The following CEMIP variants were observed in gnomAD, a reference collection of about 807,000 sequenced individuals.
CEMIP encodes the protein cell migration inducing hyaluronidase 1, also known as cell migration-inducing and hyaluronan-binding protein.
A neutral mutation model predicts 156.9 loss-of-function variants in CEMIP; 105 were observed. The observed-to-expected ratio is 0.67, with a 90% CI of 0.57 to 0.79. The LOEUF is 0.79. Among genes scored for constraint, CEMIP ranks in the 30% least tolerant of loss-of-function variants. The probability of loss-of-function intolerance (pLI) is 0.00; values close to 1 mark genes in which losing one functional copy is unlikely to be tolerated. For missense variants in CEMIP, 1,457 were observed against 1,769.4 expected (o/e 0.82, Z 3.17); for synonymous variants, 676 against 668.4 (o/e 1.01, Z -0.17).
At chr15:80,808,365 C>A (rs1206523283) in intron 1 of CEMIP, among the ~76,000 whole-genome samples, 2 of 152,186 alleles carry the variant, frequency 1.3e-5, no homozygotes, top group African/African-American at 2.4e-5. Context: ...CCCACTGCCC[C>A]CACTTAGGCA....
At chr15:80,785,721 G>T (rs1895918386) in intron 1 of CEMIP, among the ~76,000 whole-genome samples, 1 of 152,120 alleles carries the variant, frequency 6.6e-6, no homozygotes, top group Admixed American at 6.5e-5. Context: ...TTCACTGAGG[G>T]CATATGAGGA....
chr15:80,872,871 G>A (rs959702698), intron 1 of CEMIP, among the ~76,000 whole-genome samples: 1 of 152,062 alleles, frequency 6.6e-6, no homozygotes, highest in Non-Finnish European at 1.5e-5. Context: ...AATAAAATGA[G>A]TCCATCATCT....
At position 80,948,791 on chromosome 15, in the gene CEMIP, T is replaced by C; in HGVS notation, c.3959-6T>C. The C allele has an allele frequency of 1.9e-6, 3 of 1,614,104 alleles. No individual in the cohort carries two copies. The highest frequency in any genetic ancestry group is 2.5e-6 in the Non-Finnish European group (3 of 1,180,028). ...TTTGCTCAGGAGACTCATCATTGCT[T>C]TTCAGAGCAAATGGCATTCGTTGGC... On this transcript the variant is annotated splice_region_variant and splice_polypyrimidine_tract_variant and intron_variant, in intron 29 of 29. Transcript: ENST00000394685.
Position 80,932,746 on chromosome 15 carries a change from T to TGGAAATCTGC in CEMIP, c.2794-498_2794-489dup, listed in dbSNP as rs1900969776. ...CTGAGAGCCTGAAAGAGGTCAGTTA[T>TGGAAATCTGC]GGAAATCTGCAAGGGCTCATGCTGC... On this transcript the variant is annotated intron_variant, in intron 22 of 29. Coordinates refer to ENST00000394685, the MANE Select transcript of CEMIP (RefSeq NM_001293298.2). The surrounding 1 kb of genome is among the most constrained non-coding windows in gnomAD (Gnocchi z 4.5). Among the ~76,000 whole-genome samples, 1 of 152,222 alleles carries TGGAAATCTGC rather than the reference T, an allele frequency of 6.6e-6. No individual in the cohort carries two copies. The highest frequency in any genetic ancestry group is 2.4e-5 in the African/African-American group (1 of 41,456).
intron 14 of CEMIP, 172 bp downstream of exon 14, chr15:80,909,478 G>C: frequency 1.4e-6 from 1 of 723,808 alleles, no homozygotes; most frequent in Non-Finnish European, 2.5e-6. Context: ...ACAGGAAGGA[G>C]AAAATAGAGG....
At chr15:80,924,870 G>A (rs1445921774) in intron 18 of CEMIP, among the ~76,000 whole-genome samples, 164 bp downstream of exon 18, 1 of 152,114 alleles carries the variant, frequency 6.6e-6, no homozygotes, top group African/African-American at 2.4e-5. Flanking sequence ...ACCTGAGCAG[G>A]GTAAAGTCTG....
intron 7 of CEMIP, 120 bp downstream of exon 7, chr15:80,884,474 G>A: frequency 2.0e-6 from 2 of 1,013,182 alleles, no homozygotes; most frequent in Non-Finnish European, 3.1e-6. Context: ...ATGACCTAGT[G>A]GATGCAGGCA....
intron 14 of CEMIP, among the ~76,000 whole-genome samples, chr15:80,919,418 C>T (rs1263954337): frequency 1.3e-5 from 2 of 152,180 alleles, no homozygotes; most frequent in East Asian, 3.8e-4. Context: ...AGCCCATGGC[C>T]TCCTCTTGGA....
intron 28 of CEMIP, chr15:80,946,721 T>C: frequency 1.9e-6 from 1 of 531,548 alleles, no homozygotes; most frequent in Non-Finnish European, 3.4e-6. Context: ...AAGTCCAGGC[T>C]TGGAGAAGGC....
chr15:80,871,703 T>C (rs1898298105), intron 1 of CEMIP, among the ~76,000 whole-genome samples: 1 of 152,176 alleles, frequency 6.6e-6, no homozygotes, highest in South Asian at 2.1e-4. Flanking sequence ...GACAGCAAAC[T>C]ATTCATACCT....
intron 1 of CEMIP, among the ~76,000 whole-genome samples, chr15:80,856,834 C>T (rs1180798916): frequency 6.6e-6 from 1 of 152,184 alleles, no homozygotes; most frequent in Non-Finnish European, 1.5e-5. Flanking sequence ...TTTTCTTCCA[C>T]AGAACAGGGC....
intron 10 of CEMIP, 133 bp from the exon 11 acceptor site, chr15:80,894,857 T>G: frequency 9.2e-7 from 1 of 1,082,230 alleles, no homozygotes; most frequent in Non-Finnish European, 1.4e-6. Context: ...GATAATCATC[T>G]CGGGCCGTTG....
intron 28 of CEMIP, among the ~76,000 whole-genome samples, chr15:80,943,501 G>A (rs1035807782): frequency 1.3e-5 from 2 of 152,146 alleles, no homozygotes; most frequent in Admixed American, 6.5e-5. Context: ...CTTGGACAAC[G>A]CCACCTGGAC....
chr15:80,848,286 G>C (rs1324148447), intron 1 of CEMIP, among the ~76,000 whole-genome samples: 2 of 152,148 alleles, frequency 1.3e-5, no homozygotes, highest in Non-Finnish European at 2.9e-5. Flanking sequence ...TTCCTATAGG[G>C]AAGCCACTCA....
rs1366990389 is a variant in CEMIP, at chr15:80,924,687, C to T, written c.2269C>T (p.Leu757Phe). ...CTCTGCCAAGGACAAGCGGCCGTTC[C>T]TCTCAATCATCTCTGCCAGGTAATC... ...EASAKDKRPFLSIISARYSPH... is the reference protein window; with the variant it reads ...EASAKDKRPFFSIISARYSPH... Residue 757 changes from leucine to phenylalanine, a missense_variant, in exon 18 of 30, where the codon CTC (leucine) becomes TTC (phenylalanine). By Grantham distance (22) the Leu-to-Phe change is conservative. This residue lies in a region of CEMIP where 798 missense variants were observed against 980.1 expected (regional missense o/e 0.81). Coordinates refer to ENST00000394685, the MANE Select transcript of CEMIP (RefSeq NM_001293298.2). The T allele has an allele frequency of 1.2e-6, 2 of 1,614,206 alleles. No homozygotes were observed. Among genetic ancestry groups the T allele is most frequent in the East Asian group, 4.5e-5 (2 of 44,888 alleles).
intron 1 of CEMIP, among the ~76,000 whole-genome samples, chr15:80,861,802 A>G (rs1260774766): frequency 6.6e-6 from 1 of 152,252 alleles, no homozygotes; most frequent in Non-Finnish European, 1.5e-5. Context: ...ATCACTTACC[A>G]AGTCAGTACA....
chr15:80,819,882 GACTTGGTC>G (rs1896870467), intron 1 of CEMIP, among the ~76,000 whole-genome samples: 1 of 152,196 alleles, frequency 6.6e-6, no homozygotes, highest in Non-Finnish European at 1.5e-5. Context: ...TAAGTTGGTT[GACTTGGTC>G]ACTTGGTCAC....
Position 80,928,928 on chromosome 15 carries a change from C to G in CEMIP, c.2447C>G (p.Thr816Ser), listed in dbSNP as rs562409712. 6.2e-7 allele frequency: 1 copy of G among 1,614,196 alleles called. No homozygotes were observed. The highest frequency in any genetic ancestry group is 1.1e-5 in the South Asian group (1 of 91,080). The change falls in exon 20 of 30, where the codon ACC becomes AGC. Residue 816 changes from threonine (T) to serine (S), a missense_variant. This residue lies in a region of CEMIP where 798 missense variants were observed against 980.1 expected (regional missense o/e 0.81). Coordinates refer to ENST00000394685, the MANE Select transcript of CEMIP (RefSeq NM_001293298.2). ...TTTGCTGACAATGGCATTGGCCTGA[C>G]CCTGGCCAGGTAAGGGCAACTGTCA... ...CRFADNGIGLTLASGGTFPYD... is the reference protein window; with the variant it reads ...CRFADNGIGLSLASGGTFPYD...
In CEMIP at chr15:80,858,656, C is replaced by G. The variant is rs112773532; in HGVS notation, c.-175-14882C>G. Among the ~76,000 whole-genome samples the G allele has an allele frequency of 6.2e-4, 94 of 151,690 alleles. 1 individual carries two copies. Among genetic ancestry groups the G allele is most frequent in the Non-Finnish European group, 1.5e-4 (10 of 67,958 alleles). On this transcript the variant is annotated intron_variant, in intron 1 of 29. Coordinates refer to ENST00000394685, the MANE Select transcript of CEMIP (RefSeq NM_001293298.2). ...AGGAGAATCCCTTGAACCTGGGAGGCAGAGGTTTCAGTGAGCCAAGGTTGC... is the reference window on the plus strand; with the variant it reads ...AGGAGAATCCCTTGAACCTGGGAGGGAGAGGTTTCAGTGAGCCAAGGTTGC...
Sources: gnomAD v4.1 joint callset for allele counts (sites outside exome capture counted in the v4.1 genomes callset) on GRCh38, gnomAD v4.1.1 for gene constraint, gnomAD v4.1.1 regional missense constraint, Gnocchi (gnomAD v3.1) non-coding constraint, MANE v1.5 for transcripts, NCBI Gene and HGNC (gene_info 2026-07-23, HGNC 2026-07-21) for gene names.